Variants in MMP16 observed in about 807,000 individuals in gnomAD.
MMP16 encodes matrix metallopeptidase 16.
MMP16 carries 12 observed loss-of-function variants against 67.8 expected under a neutral mutation model. That is an observed-to-expected ratio of 0.18 (90% CI 0.11 to 0.29). The LOEUF (loss-of-function observed/expected upper bound fraction) is 0.29, where lower values mean the gene tolerates loss of function less well. MMP16 is among the 10% of genes least tolerant of loss of function. MMP16 has a pLI of 1.00. For missense variants in MMP16, 475 were observed against 765.7 expected, an observed-to-expected ratio of 0.62 and a Z score of 4.48; for synonymous variants, 249 against 255.9, an observed-to-expected ratio of 0.97 and a Z score of 0.26.
At chr8:88,197,489 C>T (rs1809275620) in intron 1 of MMP16, among the ~76,000 whole-genome samples, 183 bp from the exon 2 acceptor site, 1 of 152,034 alleles carries the variant, frequency 6.6e-6, no homozygotes, top group East Asian at 1.9e-4. Flanking sequence ...AATATAATTG[C>T]AGCGACTGTT....
At chr8:88,071,493 A>C (rs185896283) in intron 7 of MMP16, among the ~76,000 whole-genome samples, 191 of 152,290 alleles carry the variant, frequency 1.3e-3, no homozygotes, top group African/African-American at 4.4e-3. Flanking sequence ...AGAAAAAAAA[A>C]CATAAAAGAT....
At chr8:88,170,613 G>C (rs1808784170) in intron 3 of MMP16, among the ~76,000 whole-genome samples, 1 of 152,136 alleles carries the variant, frequency 6.6e-6, no homozygotes, top group South Asian at 2.1e-4. Context: ...TGCTCCCACA[G>C]TGCTTATATA....
intron 1 of MMP16, among the ~76,000 whole-genome samples, chr8:88,210,684 A>G (rs968932293): frequency 6.6e-6 from 1 of 152,184 alleles, no homozygotes; most frequent in African/African-American, 2.4e-5. Flanking sequence ...ACAGCAAGGT[A>G]CAATAGGTGG....
intron 8 of MMP16, among the ~76,000 whole-genome samples, chr8:88,051,230 A>G (rs1204019298): frequency 6.6e-6 from 1 of 152,150 alleles, no homozygotes; most frequent in Admixed American, 6.5e-5. Context: ...TTATGTCAAC[A>G]TGAACAAAAA....
intron 3 of MMP16, among the ~76,000 whole-genome samples, chr8:88,170,523 C>T (rs1175265018): frequency 1.3e-5 from 2 of 152,122 alleles, no homozygotes; most frequent in Non-Finnish European, 2.9e-5. Flanking sequence ...GGCTGATATT[C>T]CTATGACACA....
At chr8:88,199,714 AG>A in intron 1 of MMP16, among the ~76,000 whole-genome samples, 1 of 152,012 alleles carries the variant, frequency 6.6e-6, no homozygotes, top group Admixed American at 6.6e-5. Flanking sequence ...TATATATGTG[AG>A]TATGTATGTG....
intron 1 of MMP16, among the ~76,000 whole-genome samples, chr8:88,294,637 A>G (rs890358656): frequency 2.6e-5 from 4 of 152,132 alleles, no homozygotes; most frequent in African/African-American, 9.7e-5. Context: ...ACATTATAGT[A>G]CATATAGACA....
At chr8:88,045,642 G>C (rs557928120) in intron 9 of MMP16, among the ~76,000 whole-genome samples, 1 of 152,084 alleles carries the variant, frequency 6.6e-6, no homozygotes, top group Admixed American at 6.5e-5. Context: ...GAGCCCCCAC[G>C]CCCTGCCAGT....
chr8:88,285,444 G>A (rs1207746270), intron 1 of MMP16, among the ~76,000 whole-genome samples: 1 of 152,098 alleles, frequency 6.6e-6, no homozygotes, highest in African/African-American at 2.4e-5. Context: ...CCAGCTGACA[G>A]AAACTGTTTT....
At chr8:88,184,530 A>G (rs1449916661) in intron 3 of MMP16, among the ~76,000 whole-genome samples, 1 of 124,464 alleles carries the variant, frequency 8.0e-6, no homozygotes, top group Non-Finnish European at 1.6e-5. Context: ...GGAGTTCAAG[A>G]CCAGCCTGGG....
At chr8:88,055,202 T>A (rs777023717) in intron 8 of MMP16, among the ~76,000 whole-genome samples, 11 of 152,046 alleles carry the variant, frequency 7.2e-5, no homozygotes, top group East Asian at 1.9e-4. Context: ...TGTAAGGGTT[T>A]TTTTATTTTA....
At chr8:88,053,674 A>G (rs1808297273) in intron 8 of MMP16, among the ~76,000 whole-genome samples, 1 of 152,180 alleles carries the variant, frequency 6.6e-6, no homozygotes, top group Non-Finnish European at 1.5e-5. Flanking sequence ...TAGAGAGTTT[A>G]ATGTCTTTTC....
intron 7 of MMP16, among the ~76,000 whole-genome samples, chr8:88,061,269 C>T (rs1283200047): frequency 1.3e-5 from 2 of 151,886 alleles, no homozygotes; most frequent in African/African-American, 4.8e-5. Flanking sequence ...TTAGTCAAAT[C>T]CCTGTGGCAT....
rs1013771172 is a variant in MMP16, at chr8:88,036,437, A to T, written c.*5024T>A. On this transcript the variant is annotated 3_prime_UTR_variant, in exon 10 of 10. Transcript: ENST00000286614. Reference sequence around the variant, plus strand: ...TATATAAATATGAAAGCTAAATATAATAATTAGCTTTCATATTTGTTGCGT... The same window carrying T: ...TATATAAATATGAAAGCTAAATATATTAATTAGCTTTCATATTTGTTGCGT... 1.3e-5 allele frequency: 2 copies of T among 151,810 alleles called. No homozygotes were observed. Among genetic ancestry groups the T allele is most frequent in the African/African-American group, 4.8e-5 (2 of 41,384 alleles). 9.4% of individuals were successfully genotyped at this position (151,810 alleles called of 1,614,324 possible). A position where few individuals can be genotyped will look rare whatever the true frequency, so the allele number is the denominator to read the frequency against.
chr8:88,129,552 T>C (rs1216138093), intron 4 of MMP16, among the ~76,000 whole-genome samples: 1 of 151,666 alleles, frequency 6.6e-6, no homozygotes, highest in African/African-American at 2.4e-5. Context: ...TGAAGCTCTT[T>C]TCTGGAAGAG....
chr8:88,183,989 G>A (rs944170363), intron 3 of MMP16, among the ~76,000 whole-genome samples: 8 of 151,772 alleles, frequency 5.3e-5, no homozygotes, highest in African/African-American at 1.7e-4. Flanking sequence ...CAAGTGATCC[G>A]CCCACCTCAG....
chr8:88,300,113 G>A (rs1438476142), intron 1 of MMP16, among the ~76,000 whole-genome samples: 2 of 152,106 alleles, frequency 1.3e-5, no homozygotes, highest in African/African-American at 4.8e-5. Context: ...GGAAAAGAGT[G>A]GCCAATATCC....
chr8:88,240,837 G>T (rs1455889279), intron 1 of MMP16, among the ~76,000 whole-genome samples: 2 of 151,900 alleles, frequency 1.3e-5, no homozygotes, highest in Non-Finnish European at 2.9e-5. Flanking sequence ...TATTAATCTT[G>T]CCAGAGGCTT....
At position 88,327,078 on chromosome 8, in the gene MMP16, C is replaced by T; in HGVS notation, c.129G>A (p.Val43=). 6.2e-7 allele frequency: 1 copy of T among 1,613,914 alleles called. No homozygotes were observed. Among genetic ancestry groups the T allele is most frequent in the Non-Finnish European group, 8.5e-7 (1 of 1,179,932 alleles). Residue 43 remains valine, a synonymous_variant, in exon 1 of 10, where the codon GTG becomes GTA. Coordinates refer to ENST00000286614, the MANE Select transcript of MMP16 (RefSeq NM_005941.5). The stretch of plus-strand genomic sequence containing the variant: ...AAGAAAGCCCTCGCACTCTTACCTC[C>T]ACATTGAAATACTGCTCCGTTCCGC... ...TVCGTEQYFN[V]EVWLQKYGYL... is the part of the protein sequence containing the mutation.
Sources: gnomAD v4.1 joint callset for allele counts (sites outside exome capture counted in the v4.1 genomes callset) on GRCh38, gnomAD v4.1.1 for gene constraint, MANE v1.5 for transcripts, NCBI Gene and HGNC (gene_info 2026-07-23, HGNC 2026-07-21) for gene names.